The following ZIM2 variants were observed in gnomAD, a reference collection of about 807,000 sequenced individuals.
ZIM2 encodes the protein zinc finger protein 656.
ZIM2 carries 14 observed loss-of-function variants against 38.6 expected under a neutral mutation model. The ratio of observed to expected loss-of-function variants is 0.36; its 90% confidence interval spans 0.24 to 0.57. The LOEUF (loss-of-function observed/expected upper bound fraction) is 0.57. ZIM2 is among the 20% of genes least tolerant of loss of function. The pLI is 0.81. For missense variants in ZIM2, 680 were observed against 695.1 expected, an observed-to-expected ratio of 0.98 and a Z score of 0.24; for synonymous variants, 247 against 245.8, an observed-to-expected ratio of 1.00 and a Z score of -0.04.
chr19:56,822,913 C>G (rs1010032415), intron 5 of ZIM2, 77 bp from the exon 6 acceptor site: 2 of 1,543,824 alleles, frequency 1.3e-6, no homozygotes, highest in African/African-American at 1.4e-5. Flanking sequence ...ACAAACACCC[C>G]TCTGGAAAGA....
chr19:56,778,372 A>T (rs1290491258), intron 12 of ZIM2, among the ~76,000 whole-genome samples: 1 of 152,238 alleles, frequency 6.6e-6, no homozygotes, highest in African/African-American at 2.4e-5. Flanking sequence ...TTGTTTGGAC[A>T]TCCACTTTTC....
intron 9 of ZIM2, chr19:56,815,419 C>G (rs757018403): frequency 6.2e-7 from 1 of 1,614,016 alleles, no homozygotes; most frequent in South Asian, 1.1e-5. Flanking sequence ...GGCCAAGCTG[C>G]GAATGACAGA....
At chr19:56,805,787 G>C (rs537094649) in intron 9 of ZIM2, among the ~76,000 whole-genome samples, 4 of 152,272 alleles carry the variant, frequency 2.6e-5, no homozygotes, top group South Asian at 2.1e-4. Flanking sequence ...GATTAAAGGA[G>C]GCTACTTTAC....
At chr19:56,791,890 T>G (rs2046948713) in intron 9 of ZIM2, among the ~76,000 whole-genome samples, 1 of 152,174 alleles carries the variant, frequency 6.6e-6, no homozygotes, top group Admixed American at 6.5e-5. Context: ...TCTTTGTATC[T>G]CCCACATTTT....
At chr19:56,823,756 A>T in intron 4 of ZIM2, 77 bp from the exon 5 acceptor site, 2 of 1,517,104 alleles carry the variant, frequency 1.3e-6, no homozygotes, top group Non-Finnish European at 1.8e-6. Flanking sequence ...CCTGAGCCGC[A>T]TCTCCCTGTC....
chr19:56,813,976 T>A, intron 9 of ZIM2: 1 of 1,614,058 alleles, frequency 6.2e-7, no homozygotes, highest in Non-Finnish European at 8.5e-7. Flanking sequence ...TTCTTCTGGG[T>A]CTTCAATTCC....
At position 56,824,245 on chromosome 19, in the gene ZIM2, C is replaced by T. The variant is rs374301158; in HGVS notation, c.16+17G>A. The T allele has an allele frequency of 1.9e-5, 31 of 1,610,522 alleles. No homozygotes were observed. Among genetic ancestry groups the T allele is most frequent in the Admixed American group, 3.3e-5 (2 of 59,934 alleles). ...TGAGGCCTGCACTGACCACCAACAC[C>T]CCGTGGAGACTCTCACCTTCTGGTT... On this transcript the variant is annotated intron_variant, in intron 4 of 12. Coordinates refer to ENST00000629319, the MANE Select transcript of ZIM2 (RefSeq NM_001387356.1).
At chr19:56,813,935 G>A in intron 9 of ZIM2, 1 of 1,614,148 alleles carries the variant, frequency 6.2e-7, no homozygotes, top group Non-Finnish European at 8.5e-7. Context: ...TCATAGTATG[G>A]TTCTTCTACC....
At chr19:56,825,477 T>C (rs2060930998) in intron 3 of ZIM2, among the ~76,000 whole-genome samples, 1 of 152,240 alleles carries the variant, frequency 6.6e-6, no homozygotes, top group Non-Finnish European at 1.5e-5. Flanking sequence ...ACTTAGTTCA[T>C]TTATTTCCTT....
intron 10 of ZIM2, chr19:56,782,406 C>T (rs2046372236): frequency 2.1e-6 from 1 of 472,700 alleles, no homozygotes; most frequent in Non-Finnish European, 4.1e-6. Flanking sequence ...ATACCTCAGC[C>T]TCAGGAATCA....
At position 56,821,683 on chromosome 19, in the gene ZIM2, T is replaced by G. The variant is rs1278222279; in HGVS notation, c.262A>C (p.Arg88=). 5 of 1,614,044 alleles carry G rather than the reference T, an allele frequency of 3.1e-6. No individual in the cohort carries two copies. In the South Asian group the frequency reaches 5.5e-5, roughly 18 times the overall value. ...CGGGACTCATAAGCCCTGGAGTCCC[T>G]GTCGTCCTCTCTGTCCATTTCAAAG... is the stretch of plus-strand genomic sequence containing the variant. The part of the protein sequence containing the change: ...TSFEMDREDD[R]DSRAYESRSQ... Residue 88 remains arginine, a synonymous_variant, in exon 7 of 13, where the codon AGG becomes CGG. Transcript: ENST00000629319.
rs113789472 is a variant in ZIM2, at chr19:56,823,988, G to A, written c.16+274C>T. Reference sequence around the variant, plus strand: ...AGGAGGTTTTCTCCCTTCTACAGAAGTGTCTCCTTTCCCTCTCCTGACTCA... The same window carrying A: ...AGGAGGTTTTCTCCCTTCTACAGAAATGTCTCCTTTCCCTCTCCTGACTCA... On this transcript the variant is annotated intron_variant, in intron 4 of 12. Transcript: ENST00000629319. 6.9e-3 allele frequency among the ~76,000 whole-genome samples: 1,045 copies of A among 152,234 alleles called. 5 individuals are homozygous for A. Among genetic ancestry groups the A allele is most frequent in the African/African-American group, 0.023 (969 of 41,538 alleles).
At chr19:56,829,914 G>A (rs976318813) in intron 2 of ZIM2, among the ~76,000 whole-genome samples, 3 of 152,330 alleles carry the variant, frequency 2.0e-5, no homozygotes, top group Middle Eastern at 3.4e-3. Context: ...CAACAGCCAC[G>A]CCTACCACTG....
At chr19:56,805,073 C>T (rs2146014431) in intron 9 of ZIM2, among the ~76,000 whole-genome samples, 1 of 152,294 alleles carries the variant, frequency 6.6e-6, no homozygotes, top group East Asian at 1.9e-4. Flanking sequence ...TCCTCTGCTC[C>T]AGGGTTTTTC....
chr19:56,814,752 A>G lies in ZIM2; in HGVS notation c.490+2994T>C, dbSNP rs200859881. 1 of 1,614,176 alleles carries G rather than the reference A, an allele frequency of 6.2e-7. No individual in the cohort carries two copies. Among genetic ancestry groups the G allele is most frequent in the African/African-American group, 1.3e-5 (1 of 75,062 alleles). ...CAGAGCTATGAATGAAGCCTTGTCC[A>G]CACAAAAGGCATCGAATGGCCGACC... On this transcript the variant is annotated intron_variant, in intron 9 of 12. Coordinates refer to ENST00000629319, the MANE Select transcript of ZIM2 (RefSeq NM_001387356.1). The surrounding 1 kb of genome is among the most constrained non-coding windows in gnomAD (Gnocchi z 5.8).
Position 56,817,537 on chromosome 19 carries a change from C to T in ZIM2, c.490+209G>A, listed in dbSNP as rs549894601. 55 of 1,599,228 alleles carry T rather than the reference C, an allele frequency of 3.4e-5. No individual in the cohort carries two copies. Among genetic ancestry groups the T allele is most frequent in the East Asian group, 2.0e-4 (9 of 44,668 alleles). Reference sequence around the variant, plus strand: ...GGAAGATTCATCTTCACAAATCCCCCGCCGGTGGGTTGATTTTTTGGCTTC... The same window carrying T: ...GGAAGATTCATCTTCACAAATCCCCTGCCGGTGGGTTGATTTTTTGGCTTC... On this transcript the variant is annotated intron_variant, in intron 9 of 12. Transcript: ENST00000629319.
At chr19:56,789,475 C>A (rs1405096706) in intron 10 of ZIM2, among the ~76,000 whole-genome samples, 1 of 151,930 alleles carries the variant, frequency 6.6e-6, no homozygotes, top group African/African-American at 2.4e-5. Flanking sequence ...GCCTCCACTC[C>A]CTCATATATA....
chr19:56,828,929 T>G (rs2061317683), intron 2 of ZIM2, among the ~76,000 whole-genome samples: 1 of 152,174 alleles, frequency 6.6e-6, no homozygotes, highest in African/African-American at 2.4e-5. Context: ...GAACCACATT[T>G]CTGGATCCCA....
intron 9 of ZIM2, chr19:56,817,447 C>T (rs1253884172): frequency 1.2e-6 from 2 of 1,613,986 alleles, no homozygotes; most frequent in Admixed American, 1.7e-5. Flanking sequence ...GCTTGACTCC[C>T]TTGCTCTTCC....
Sources: allele counts gnomAD v4.1 joint callset (sites outside exome capture counted in the v4.1 genomes callset), GRCh38; gene constraint gnomAD v4.1.1; non-coding constraint Gnocchi (gnomAD v3.1); transcripts MANE v1.5; gene names NCBI Gene and HGNC (gene_info 2026-07-23, HGNC 2026-07-21).